Variants in FOXJ3 observed in about 807,000 individuals in gnomAD.
FOXJ3 encodes the protein forkhead box protein J3.
A neutral mutation model predicts 76.1 loss-of-function variants in FOXJ3; 22 were observed. The ratio of observed to expected loss-of-function variants is 0.29; its 90% confidence interval spans 0.21 to 0.41. The LOEUF (loss-of-function observed/expected upper bound fraction) is 0.41. Ranked by LOEUF, FOXJ3 falls within the 10% of genes least tolerant of loss-of-function variation. The pLI is 1.00. For synonymous variants in FOXJ3, 269 were observed against 261.2 expected, an observed-to-expected ratio of 1.03 and a Z score of -0.29; for missense variants, 613 against 762.1, an observed-to-expected ratio of 0.80 and a Z score of 2.30.
At chr1:42,303,154 G>A (rs1250710999) in intron 2 of FOXJ3, among the ~76,000 whole-genome samples, 2 of 152,136 alleles carry the variant, frequency 1.3e-5, no homozygotes, top group Non-Finnish European at 2.9e-5. Flanking sequence ...TTATAGCCAA[G>A]AGGCAGTAGA....
At chr1:42,181,457 A>G (rs988080179) in intron 12 of FOXJ3, among the ~76,000 whole-genome samples, 3 of 152,208 alleles carry the variant, frequency 2.0e-5, no homozygotes, top group African/African-American at 7.2e-5. Context: ...TACAGGAGCT[A>G]ATAAAGTAGG....
At chr1:42,197,782 C>CT (rs1646681397) in intron 7 of FOXJ3, among the ~76,000 whole-genome samples, 1 of 151,924 alleles carries the variant, frequency 6.6e-6, no homozygotes, top group African/African-American at 2.4e-5. Flanking sequence ...TCTCAGCCTC[C>CT]TAAGGTGCAT....
chr1:42,241,705 C>G (rs1649156481), intron 4 of FOXJ3, among the ~76,000 whole-genome samples: 1 of 152,208 alleles, frequency 6.6e-6, no homozygotes, highest in Admixed American at 6.5e-5. Flanking sequence ...AGGGTTGTCC[C>G]ACCACCATTA....
chr1:42,226,071 C>T (rs1234566887), intron 5 of FOXJ3, among the ~76,000 whole-genome samples: 1 of 152,166 alleles, frequency 6.6e-6, no homozygotes, highest in East Asian at 1.9e-4. Context: ...TTTAACAATG[C>T]TATGTGTTTT....
chr1:42,278,318 T>A (rs1191499252), intron 3 of FOXJ3, 30 bp downstream of exon 3: 1 of 1,413,796 alleles, frequency 7.1e-7, no homozygotes, highest in Non-Finnish European at 9.9e-7. Context: ...GCTTACTTCA[T>A]AAAAGTAATA....
At chr1:42,283,329 A>G (rs1652846655) in intron 2 of FOXJ3, among the ~76,000 whole-genome samples, 2 of 152,196 alleles carry the variant, frequency 1.3e-5, no homozygotes, top group Admixed American at 6.5e-5. Flanking sequence ...GGTTCAGGCT[A>G]TAACAACTCA....
chr1:42,191,695 G>A lies in FOXJ3; in HGVS notation c.959C>T (p.Ser320Phe). ...QQGLMNIPSE[S>F]SQQSHTSCTY... The stretch of plus-strand genomic sequence containing the variant: ...ACATGAAGTGTGGGACTGCTGGGAA[G>A]ATTCAGAAGGGATGTTCATCAAACC... The change falls in exon 9 of 13, where the codon TCT (serine) becomes TTT (phenylalanine). Residue 320 changes from serine to phenylalanine, a missense_variant. By Grantham distance (155) the Ser-to-Phe change is radical (BLOSUM62 -2). Transcript: ENST00000361346. The A allele has an allele frequency of 6.2e-7, 1 of 1,612,136 alleles. No homozygotes were observed. Among genetic ancestry groups the A allele is most frequent in the Non-Finnish European group, 8.5e-7 (1 of 1,178,282 alleles).
chr1:42,329,483 G>T (rs1044760743), intron 1 of FOXJ3, among the ~76,000 whole-genome samples: 33 of 152,160 alleles, frequency 2.2e-4, no homozygotes, highest in African/African-American at 7.5e-4. Flanking sequence ...AGTGGAAGAG[G>T]TAAAGAATAA....
intron 1 of FOXJ3, among the ~76,000 whole-genome samples, chr1:42,332,376 C>G (rs1032295147): frequency 6.6e-6 from 1 of 152,114 alleles, no homozygotes; most frequent in South Asian, 2.1e-4. Context: ...GCCCAAAGTC[C>G]CTTCTGATTT....
At chr1:42,181,786 T>G (rs1163350893) in intron 12 of FOXJ3, 131 bp downstream of exon 12, 1 of 575,870 alleles carries the variant, frequency 1.7e-6, no homozygotes, top group Non-Finnish European at 3.0e-6. Flanking sequence ...CACATGCTTC[T>G]CAATATTAAA....
At chr1:42,240,185 G>C (rs758538022) in intron 4 of FOXJ3, among the ~76,000 whole-genome samples, 3 of 152,094 alleles carry the variant, frequency 2.0e-5, no homozygotes, top group Non-Finnish European at 4.4e-5. Context: ...ACTAAATTTA[G>C]TTTTTTGTTT....
At chr1:42,276,051 AC>A (rs1336544653) in intron 3 of FOXJ3, among the ~76,000 whole-genome samples, 1 of 152,176 alleles carries the variant, frequency 6.6e-6, no homozygotes, top group African/African-American at 2.4e-5. Context: ...AGGGACAATC[AC>A]CATTTAAAAA....
At chr1:42,319,741 C>T (rs1655327409) in intron 1 of FOXJ3, among the ~76,000 whole-genome samples, 1 of 152,224 alleles carries the variant, frequency 6.6e-6, no homozygotes, top group African/African-American at 2.4e-5. Context: ...TATTCTGTCA[C>T]ATTCCTGCTG....
intron 4 of FOXJ3, among the ~76,000 whole-genome samples, chr1:42,236,544 A>G (rs976970713): frequency 6.6e-6 from 1 of 152,260 alleles, no homozygotes; most frequent in Non-Finnish European, 1.5e-5. Flanking sequence ...AAATAAAAAT[A>G]AAATGCACGC....
At chr1:42,308,999 T>A (rs61775145) in intron 2 of FOXJ3, among the ~76,000 whole-genome samples, 32 of 14,500 alleles carry the variant, frequency 2.2e-3, no homozygotes, top group African/African-American at 5.5e-3. Context: ...ACAGTCGTTT[T>A]ACAAAAAAAA....
rs529342543 is a variant in FOXJ3 at position 42,204,387 on chromosome 1, G to A, written c.630+1375C>T. Reference sequence around the variant, plus strand: ...TACCAGTATTCTGTCATATCTGGATGCAGAAAACCAAAATCTTCAGCTCCT... The same window carrying A: ...TACCAGTATTCTGTCATATCTGGATACAGAAAACCAAAATCTTCAGCTCCT... On this transcript the variant is annotated intron_variant, in intron 6 of 12. Transcript: ENST00000361346. Among the ~76,000 whole-genome samples the A allele has an allele frequency of 6.3e-4, 96 of 152,130 alleles. No individual in the cohort carries two copies. In the Middle Eastern group the frequency reaches 0.02, roughly 32 times the overall value.
intron 3 of FOXJ3, among the ~76,000 whole-genome samples, chr1:42,277,078 T>C (rs532473699): frequency 2.7e-4 from 41 of 152,324 alleles, no homozygotes; most frequent in African/African-American, 9.6e-4. Flanking sequence ...GCTGATGAAA[T>C]ATACATGGGA....
In FOXJ3 at chr1:42,254,032, C is replaced by A. The variant is rs1388157229; in HGVS notation, c.444+11083G>T. On this transcript the variant is annotated intron_variant, in intron 4 of 12. Coordinates refer to ENST00000361346, the MANE Select transcript of FOXJ3 (RefSeq NM_014947.5). ...ACCATCAGAGTGAACAGGCAACCTA[C>A]AAAATGGGAGAAAATTTTCACAACC... is the stretch of plus-strand genomic sequence containing the variant. Among the ~76,000 whole-genome samples the A allele has an allele frequency of 7.9e-5, 12 of 151,494 alleles. No homozygotes were observed. The South Asian group carries it at 2.3e-3, about 29-fold the overall frequency.
At chr1:42,334,615 G>A (rs1011332222) in intron 1 of FOXJ3, among the ~76,000 whole-genome samples, 2 of 152,260 alleles carry the variant, frequency 1.3e-5, no homozygotes, top group Non-Finnish European at 2.9e-5. Flanking sequence ...AGCCCGCCCT[G>A]CCGGCAGAAA....
Sources: gnomAD v4.1 joint callset for allele counts (sites outside exome capture counted in the v4.1 genomes callset) on GRCh38, gnomAD v4.1.1 for gene constraint, MANE v1.5 for transcripts, NCBI Gene and HGNC (gene_info 2026-07-23, HGNC 2026-07-21) for gene names.